Variants in TENM3 observed in about 807,000 individuals in gnomAD.
TENM3 encodes the protein teneurin-3.
TENM3 carries 63 observed loss-of-function variants against 255.1 expected under a neutral mutation model. The ratio of observed to expected loss-of-function variants is 0.25; its 90% confidence interval spans 0.20 to 0.30. The LOEUF (loss-of-function observed/expected upper bound fraction) is 0.30. Ranked by LOEUF, TENM3 falls within the 10% of genes least tolerant of loss-of-function variation. The probability of loss-of-function intolerance (pLI) is 1.00; values close to 1 mark genes in which losing one functional copy is unlikely to be tolerated. For synonymous variants in TENM3, 1,306 were observed against 1,322.3 expected (o/e 0.99, Z 0.27); for missense variants, 2,929 against 3,461.1 (o/e 0.85, Z 3.86).
At chr4:182,054,502 C>A in the TENM3 span, among the ~76,000 whole-genome samples, 21 of 152,008 alleles carry the variant, frequency 1.4e-4, no homozygotes, top group African/African-American at 3.9e-4. Flanking sequence ...GGGACAAAAA[C>A]AAATAGAAAG....
At chr4:182,654,030 G>A in intron 6 of TENM3, 137 bp downstream of exon 6, 11 of 797,864 alleles carry the variant, frequency 1.4e-5, no homozygotes, top group Non-Finnish European at 1.9e-5. Flanking sequence ...CTTTTTATAA[G>A]TTTTTTTCAA....
Position 182,688,357 on chromosome 4 carries a change from C to T in TENM3, c.2221+6C>T, listed in dbSNP as rs754214125. On this transcript the variant is annotated splice_donor_region_variant and intron_variant, in intron 12 of 27. Coordinates refer to ENST00000511685, the MANE Select transcript of TENM3 (RefSeq NM_001080477.4). ...TGGAGAGCACTGCACTATCGGTAGG[C>T]TTACTGCAAGTCTGTGTCTGTCCCC... The T allele has an allele frequency of 6.3e-7, 1 of 1,583,450 alleles. No homozygotes were observed. Among genetic ancestry groups the T allele is most frequent in the East Asian group, 2.3e-5 (1 of 43,180 alleles).
chr4:182,448,591 A>C (rs1439396159), intron 3 of TENM3, among the ~76,000 whole-genome samples: 1 of 152,120 alleles, frequency 6.6e-6, no homozygotes, highest in Non-Finnish European at 1.5e-5. Flanking sequence ...GCCGGAGAAC[A>C]GCTCTGAGGC....
intron 3 of TENM3, among the ~76,000 whole-genome samples, chr4:182,357,613 A>G (rs1186952425): frequency 2.0e-5 from 3 of 148,520 alleles, no homozygotes; most frequent in African/African-American, 7.5e-5. Flanking sequence ...GATTCTGGAT[A>G]TTAGCCCTTT....
chr4:181,694,023 G>A, the TENM3 span, among the ~76,000 whole-genome samples: 3 of 152,080 alleles, frequency 2.0e-5, no homozygotes, highest in Non-Finnish European at 4.4e-5. Context: ...AAGCTTTCAC[G>A]TCTTAATCTA....
chr4:181,920,570 T>C, the TENM3 span, among the ~76,000 whole-genome samples: 2 of 152,224 alleles, frequency 1.3e-5, no homozygotes, highest in East Asian at 1.9e-4. Flanking sequence ...CGCCCACTTT[T>C]AATGGGGTTG....
intron 3 of TENM3, among the ~76,000 whole-genome samples, chr4:182,592,878 T>C (rs1746813647): frequency 6.6e-6 from 1 of 152,198 alleles, no homozygotes. Context: ...AAAACGAATT[T>C]TAGGACACAG....
the TENM3 span, among the ~76,000 whole-genome samples, chr4:181,775,178 C>T: frequency 1.1e-4 from 16 of 152,194 alleles, no homozygotes; most frequent in Non-Finnish European, 4.4e-5. Flanking sequence ...TCTCCTTTCT[C>T]TTGACACTAC....
At chr4:181,706,218 T>A in the TENM3 span, among the ~76,000 whole-genome samples, 1 of 152,092 alleles carries the variant, frequency 6.6e-6, no homozygotes, top group African/African-American at 2.4e-5. Flanking sequence ...TCTCCTCTTC[T>A]TATAAGGGCA....
the TENM3 span, among the ~76,000 whole-genome samples, chr4:181,782,965 A>T: frequency 1.3e-5 from 2 of 152,108 alleles, no homozygotes; most frequent in Admixed American, 1.3e-4. Context: ...TTCTAGTTTG[A>T]TTGCACTGTG....
Position 182,800,058 on chromosome 4 carries a change from C to A in TENM3, c.7807C>A (p.Leu2603Met). 6.2e-7 allele frequency: 1 copy of A among 1,603,170 alleles called. No homozygotes were observed. Among genetic ancestry groups the A allele is most frequent in the Non-Finnish European group, 8.5e-7 (1 of 1,175,708 alleles). ...FADVEMQFGA[L>M]ALHVRYGMTL... ...GGACGTGGAGATGCAGTTCGGCGCG[C>A]TGGCGCTGCACGTGCGCTACGGCAT... is the stretch of plus-strand genomic sequence containing the variant. Residue 2603 changes from leucine to methionine, a missense_variant, in exon 28 of 28, where the codon CTG becomes ATG. This residue lies in a region of TENM3 where 476 missense variants were observed against 480.1 expected (regional missense o/e 0.99). Coordinates refer to ENST00000511685, the MANE Select transcript of TENM3 (RefSeq NM_001080477.4).
the TENM3 span, among the ~76,000 whole-genome samples, chr4:182,097,975 A>T: frequency 2.0e-5 from 3 of 152,148 alleles, no homozygotes; most frequent in Non-Finnish European, 2.9e-5. Flanking sequence ...CAAACAACTT[A>T]GTAGGAAAAA....
chr4:182,725,080 C>A (rs1255962328), intron 13 of TENM3, among the ~76,000 whole-genome samples: 1 of 150,522 alleles, frequency 6.6e-6, no homozygotes, highest in African/African-American at 2.4e-5. Context: ...TGAAACAGGG[C>A]CTCTCCCTGT....
chr4:182,334,600 A>C (rs1302048725), intron 2 of TENM3, among the ~76,000 whole-genome samples: 2 of 152,154 alleles, frequency 1.3e-5, no homozygotes, highest in Non-Finnish European at 2.9e-5. Flanking sequence ...TATTGGCATA[A>C]ATAAAGACAA....
the TENM3 span, among the ~76,000 whole-genome samples, chr4:181,912,769 C>CA: frequency 0.11 from 9,406 of 83,450 alleles, 448 homozygotes; most frequent in African/African-American, 0.2. Context: ...AAGACTATCT[C>CA]AAAAAAAAAA....
the TENM3 span, among the ~76,000 whole-genome samples, chr4:182,010,459 T>G: frequency 6.6e-6 from 1 of 151,552 alleles, no homozygotes; most frequent in Non-Finnish European, 1.5e-5. Context: ...ATTATACATA[T>G]TCCAATATAT....
At chr4:181,717,458 G>T in the TENM3 span, among the ~76,000 whole-genome samples, 1 of 152,110 alleles carries the variant, frequency 6.6e-6, no homozygotes, top group South Asian at 2.1e-4. Context: ...ATGCTGATAG[G>T]CACTGTAAGT....
chr4:182,650,887 A>ATATATATAT (rs1753197371), intron 5 of TENM3, among the ~76,000 whole-genome samples: 1 of 22,852 alleles, frequency 4.4e-5, no homozygotes, highest in East Asian at 2.5e-3. Flanking sequence ...GTAATAAAAA[A>ATATATATAT]AAATATATAT....
chr4:182,081,241 A>C, the TENM3 span, among the ~76,000 whole-genome samples: 2 of 152,150 alleles, frequency 1.3e-5, no homozygotes, highest in East Asian at 3.9e-4. Flanking sequence ...AGAAGTTTCC[A>C]GAATTGAGTG....
Sources: gnomAD v4.1 joint callset for allele counts (sites outside exome capture counted in the v4.1 genomes callset) on GRCh38, gnomAD v4.1.1 for gene constraint, gnomAD v4.1.1 regional missense constraint, MANE v1.5 for transcripts, NCBI Gene and HGNC (gene_info 2026-07-23, HGNC 2026-07-21) for gene names.